The following PFKFB3 variants were observed in gnomAD, a reference collection of about 807,000 sequenced individuals.
PFKFB3 encodes 6-phosphofructo-2-kinase/fructose-2,6-bisphosphatase 3.
A neutral mutation model predicts 68.0 loss-of-function variants in PFKFB3; 33 were observed. The ratio of observed to expected loss-of-function variants is 0.49; its 90% CI spans 0.37 to 0.65. The LOEUF (loss-of-function observed/expected upper bound fraction) is 0.65, where lower values mean the gene tolerates loss of function less well. Ranked by LOEUF, PFKFB3 falls within the 30% of genes least tolerant of loss-of-function variation. The probability of loss-of-function intolerance (pLI) is 0.00; values close to 1 mark genes in which losing one functional copy is unlikely to be tolerated. For missense variants in PFKFB3, 586 were observed against 712.2 expected, an observed-to-expected ratio of 0.82 and a Z score of 2.02; for synonymous variants, 315 against 288.2, an observed-to-expected ratio of 1.09 and a Z score of -0.94.
At chr10:6,262,931 A>C in the PFKFB3 span, among the ~76,000 whole-genome samples, 4 of 152,154 alleles carry the variant, frequency 2.6e-5, no homozygotes, top group Admixed American at 2.6e-4. Context: ...GGGGAGTTGA[A>C]AGAAGCTGAA....
At chr10:6,306,671 C>A in the PFKFB3 span, among the ~76,000 whole-genome samples, 1 of 152,162 alleles carries the variant, frequency 6.6e-6, no homozygotes, top group Non-Finnish European at 1.5e-5. Flanking sequence ...AGACACAGAG[C>A]CTCTATTCAA....
the PFKFB3 span, among the ~76,000 whole-genome samples, chr10:6,264,068 G>T: frequency 5.3e-5 from 8 of 152,194 alleles, no homozygotes; most frequent in African/African-American, 1.9e-4. Flanking sequence ...TGTGAATGAT[G>T]ACAAGGGTTT....
intron 1 of PFKFB3, chr10:6,164,026 C>G (rs2131722204): frequency 6.6e-6 from 1 of 152,598 alleles, no homozygotes; most frequent in East Asian, 1.9e-4. Context: ...TTTTGCGCGT[C>G]CCGGCGTTGG....
the PFKFB3 span, among the ~76,000 whole-genome samples, chr10:6,319,335 A>G: frequency 1.3e-5 from 2 of 152,256 alleles, no homozygotes; most frequent in Non-Finnish European, 2.9e-5. Context: ...CAGCCATGAA[A>G]AAGGATCATG....
In PFKFB3 at chr10:6,178,754, C is replaced by T. The variant is rs1048090218; in HGVS notation, c.16+33741C>T. On this transcript the variant is annotated intron_variant, in intron 1 of 14. Coordinates refer to the PFKFB3 transcript ENST00000379789. ...GCCACCCCATCGTGTGCAGCACGGA[C>T]TGGGGGGGATTTGAAGGCAGAGGGC... Among the ~76,000 whole-genome samples the T allele has an allele frequency of 3.9e-5, 6 of 152,348 alleles. No individual in the cohort carries two copies. The East Asian group carries it at 1.2e-3, about 29-fold the overall frequency.
At chr10:6,162,744 C>T (rs986743273) in intron 1 of PFKFB3, among the ~76,000 whole-genome samples, 2 of 152,196 alleles carry the variant, frequency 1.3e-5, no homozygotes, top group Non-Finnish European at 2.9e-5. Flanking sequence ...GTCCTTGACA[C>T]GCCCCCTTCA....
chr10:6,199,765 T>C (rs1267987593), upstream of PFKFB3, among the ~76,000 whole-genome samples: 2 of 139,912 alleles, frequency 1.4e-5, no homozygotes, highest in East Asian at 4.5e-4. Flanking sequence ...CCACCCAAAG[T>C]GCTGGGATTA....
At position 6,213,684 on chromosome 10, in the gene PFKFB3, G is replaced by A. The variant is rs1377213456; in HGVS notation, c.138G>A (p.Arg46=). Reference sequence around the variant, plus strand: ...TCGTCATGGTGGGCCTCCCCGCCCGGGGCAAGACCTACATCTCCAAGAAGC... The same window carrying A: ...TCGTCATGGTGGGCCTCCCCGCCCGAGGCAAGACCTACATCTCCAAGAAGC... ...TVIVMVGLPA[R]GKTYISKKLT... Residue 46 remains arginine (R), a synonymous_variant, in exon 2 of 15, where the codon CGG becomes CGA. Transcript: ENST00000379775. 1.5e-5 allele frequency: 25 copies of A among 1,613,454 alleles called. No individual in the cohort carries two copies. Among genetic ancestry groups the A allele is most frequent in the Non-Finnish European group, 1.9e-5 (23 of 1,179,832 alleles).
chr10:6,267,535 G>A, the PFKFB3 span, among the ~76,000 whole-genome samples: 4 of 152,124 alleles, frequency 2.6e-5, no homozygotes, highest in Admixed American at 6.6e-5. Flanking sequence ...GCGGTGTCTC[G>A]GGGCTGTTGG....
At chr10:6,318,897 G>C in the PFKFB3 span, among the ~76,000 whole-genome samples, 1 of 152,142 alleles carries the variant, frequency 6.6e-6, no homozygotes, top group African/African-American at 2.4e-5. Flanking sequence ...GAATTTCCAG[G>C]CTGCTTCCAT....
chr10:6,248,896 G>A (rs1424917880), intron 14 of PFKFB3, among the ~76,000 whole-genome samples: 3 of 151,822 alleles, frequency 2.0e-5, no homozygotes, highest in African/African-American at 4.8e-5. Context: ...CCCTTAGGTC[G>A]GGAACAGTGG....
At chr10:6,292,596 A>T in the PFKFB3 span, among the ~76,000 whole-genome samples, 1 of 151,722 alleles carries the variant, frequency 6.6e-6, no homozygotes, top group African/African-American at 2.4e-5. Context: ...GCCCGAAACC[A>T]GTGTTCTTAA....
chr10:6,228,361 G>C lies in PFKFB3; in HGVS notation c.1515+1996G>C, dbSNP rs1255966595. ...GTGGGGGAAGGAGGAGATGGGCGTAGGAGTAGGGAGGAGAGATTCCTGAAT... is the reference window on the plus strand; with the variant it reads ...GTGGGGGAAGGAGGAGATGGGCGTACGAGTAGGGAGGAGAGATTCCTGAAT... On this transcript the variant is annotated intron_variant, in intron 14 of 14. Transcript: ENST00000379775. The surrounding 1 kb of genome is among the most constrained non-coding windows in gnomAD (Gnocchi z 4.5). 1.3e-5 allele frequency: 11 copies of C among 834,434 alleles called. No individual in the cohort carries two copies. Among genetic ancestry groups the C allele is most frequent in the Non-Finnish European group, 2.2e-5 (11 of 496,338 alleles). The allele number at this position is 834,434 out of a possible 1,614,324, so 51.7% of individuals were successfully genotyped here. A position where few individuals can be genotyped will look rare whatever the true frequency, so the allele number is the denominator to read the frequency against.
the PFKFB3 span, among the ~76,000 whole-genome samples, chr10:6,299,523 C>A: frequency 6.6e-6 from 1 of 152,172 alleles, no homozygotes; most frequent in East Asian, 1.9e-4. Flanking sequence ...AGCCTCACTC[C>A]GGCATTGATC....
At chr10:6,316,822 T>C in the PFKFB3 span, among the ~76,000 whole-genome samples, 1 of 152,142 alleles carries the variant, frequency 6.6e-6, no homozygotes, top group Non-Finnish European at 1.5e-5. Context: ...GCATATGAGG[T>C]ACAGTCTACC....
intron 13 of PFKFB3, chr10:6,224,601 C>T: frequency 2.5e-6 from 1 of 407,900 alleles, no homozygotes; most frequent in South Asian, 1.8e-5. Flanking sequence ...CCGCCTCAGC[C>T]TCCCGCGTAG....
chr10:6,225,757 G>GA (rs1845305629), intron 13 of PFKFB3, among the ~76,000 whole-genome samples: 2 of 151,896 alleles, frequency 1.3e-5, no homozygotes, highest in African/African-American at 4.8e-5. Flanking sequence ...CCTGCCTCGG[G>GA]TCAGCGGAAG....
the PFKFB3 span, among the ~76,000 whole-genome samples, chr10:6,318,256 G>C: frequency 5.3e-5 from 8 of 152,126 alleles, no homozygotes; most frequent in Non-Finnish European, 5.9e-5. Context: ...GCTGCCCCTG[G>C]GAGCAGATGC....
intron 1 of PFKFB3, among the ~76,000 whole-genome samples, chr10:6,176,605 T>C (rs967976340): frequency 2.6e-5 from 4 of 152,170 alleles, no homozygotes; most frequent in African/African-American, 9.7e-5. Flanking sequence ...AGGCTGTTCT[T>C]GAACTCCTGG....
Sources: allele counts gnomAD v4.1 joint callset (sites outside exome capture counted in the v4.1 genomes callset), GRCh38; gene constraint gnomAD v4.1.1; non-coding constraint Gnocchi (gnomAD v3.1); transcripts MANE v1.5; gene names NCBI Gene and HGNC (gene_info 2026-07-23, HGNC 2026-07-21).